Variants in ATP10B observed in about 807,000 individuals in gnomAD.
ATP10B encodes ATPase phospholipid transporting 10B (putative).
A neutral mutation model predicts 141.2 loss-of-function variants in ATP10B; 122 were observed. That is an observed-to-expected ratio of 0.86 (90% CI 0.75 to 1.00). The LOEUF is 1.00. ATP10B is among the 50% of genes least tolerant of loss of function. The pLI is 0.00. For synonymous variants in ATP10B, 685 were observed against 692.0 expected (o/e 0.99, Z 0.16); for missense variants, 1,876 against 1,825.3 (o/e 1.03, Z -0.51).
chr5:160,755,838 A>T (rs7724364), intron 2 of ATP10B, among the ~76,000 whole-genome samples: 1,557 of 44,834 alleles, frequency 0.035, 51 homozygotes, highest in Admixed American at 0.056. Context: ...AAAAAAAAAA[A>T]ATATATATAT....
At chr5:160,638,476 A>AG (rs1209203719) in intron 10 of ATP10B, among the ~76,000 whole-genome samples, 1 of 152,054 alleles carries the variant, frequency 6.6e-6, no homozygotes, top group African/African-American at 2.4e-5. Flanking sequence ...GGCTGGGGAG[A>AG]GGGTGGGAGC....
chr5:160,899,920 G>A, the ATP10B span, among the ~76,000 whole-genome samples: 14 of 152,272 alleles, frequency 9.2e-5, no homozygotes, highest in African/African-American at 3.1e-4. Context: ...CCACCCTCAA[G>A]AGGGCTCCCT....
At chr5:160,607,249 A>G (rs1757447416) in intron 18 of ATP10B, among the ~76,000 whole-genome samples, 163 bp from the exon 19 acceptor site, 1 of 152,222 alleles carries the variant, frequency 6.6e-6, no homozygotes, top group Non-Finnish European at 1.5e-5. Flanking sequence ...ATTTGACATA[A>G]TATCAAAGGA....
chr5:160,566,031 G>A (rs1235246447), intron 25 of ATP10B, 131 bp from the exon 26 acceptor site: 1 of 824,076 alleles, frequency 1.2e-6, no homozygotes, highest in South Asian at 1.8e-5. Flanking sequence ...TTAAATCCAT[G>A]TCTGGGCACC....
intron 24 of ATP10B, among the ~76,000 whole-genome samples, chr5:160,570,549 T>C (rs1317986979): frequency 6.6e-6 from 1 of 152,202 alleles, no homozygotes; most frequent in East Asian, 1.9e-4. Flanking sequence ...CCTCCTGAAT[T>C]ACACACGAGA....
intron 1 of ATP10B, among the ~76,000 whole-genome samples, chr5:160,799,120 A>AT (rs58788178): frequency 1.9e-4 from 28 of 151,018 alleles, no homozygotes; most frequent in Non-Finnish European, 2.4e-4. Context: ...TCAAAAGCTG[A>AT]TTTTTTTTTT....
intron 2 of ATP10B, among the ~76,000 whole-genome samples, chr5:160,727,852 G>C (rs1392076909): frequency 1.3e-5 from 2 of 152,126 alleles, no homozygotes; most frequent in African/African-American, 2.4e-5. Flanking sequence ...AAGGCCTCAG[G>C]CATCTCCAAG....
chr5:160,650,424 T>C (rs1041422307), intron 7 of ATP10B, among the ~76,000 whole-genome samples: 3 of 152,166 alleles, frequency 2.0e-5, no homozygotes, highest in African/African-American at 7.2e-5. Flanking sequence ...TGCCTAGGCT[T>C]TTCCTGGGAC....
At chr5:160,748,308 C>T (rs180959257) in intron 2 of ATP10B, among the ~76,000 whole-genome samples, 4 of 152,286 alleles carry the variant, frequency 2.6e-5, no homozygotes, top group Admixed American at 1.3e-4. Context: ...CTTAGACAGG[C>T]GGTATGCTCC....
chr5:160,591,977 C>CCAGGTGCAAGACACT (rs1473629298), intron 22 of ATP10B, among the ~76,000 whole-genome samples: 1 of 152,140 alleles, frequency 6.6e-6, no homozygotes, highest in Non-Finnish European at 1.5e-5. Context: ...CTTCTTTCCT[C>CCAGGTGCAAGACACT]CAGGTGCAAG....
upstream of ATP10B, among the ~76,000 whole-genome samples, chr5:160,853,712 G>A (rs992845294): frequency 6.6e-6 from 1 of 152,116 alleles, no homozygotes; most frequent in Non-Finnish European, 1.5e-5. Flanking sequence ...CAGACATATG[G>A]CAAATTATTT....
At chr5:160,917,266 CTTCT>C in the ATP10B span, among the ~76,000 whole-genome samples, 3 of 93,576 alleles carry the variant, frequency 3.2e-5, no homozygotes, top group African/African-American at 1.1e-4. Flanking sequence ...TTCTAGGGTA[CTTCT>C]TTTTTTTTTT....
At chr5:160,799,865 T>C (rs1772252711) in intron 1 of ATP10B, among the ~76,000 whole-genome samples, 1 of 152,222 alleles carries the variant, frequency 6.6e-6, no homozygotes, top group African/African-American at 2.4e-5. Context: ...GATTCACTCA[T>C]AGTTCTCATC....
intron 2 of ATP10B, among the ~76,000 whole-genome samples, chr5:160,767,390 A>G (rs1769528737): frequency 6.6e-6 from 1 of 152,150 alleles, no homozygotes; most frequent in African/African-American, 2.4e-5. Flanking sequence ...CATAAAAAGA[A>G]AGGAGAGATA....
At chr5:160,821,832 C>G (rs1407294925) in intron 1 of ATP10B, among the ~76,000 whole-genome samples, 1 of 152,032 alleles carries the variant, frequency 6.6e-6, no homozygotes. Context: ...ACTAGACCCC[C>G]TATTTCTTGC....
chr5:160,756,487 G>A (rs181931430), intron 2 of ATP10B, among the ~76,000 whole-genome samples: 2 of 152,318 alleles, frequency 1.3e-5, no homozygotes, highest in Non-Finnish European at 2.9e-5. Flanking sequence ...TGCATTCCCA[G>A]CAGCAGTGTA....
intron 2 of ATP10B, among the ~76,000 whole-genome samples, chr5:160,769,654 G>C (rs1769735360): frequency 6.6e-6 from 1 of 152,198 alleles, no homozygotes; most frequent in South Asian, 2.1e-4. Flanking sequence ...AGTTGTAGCA[G>C]CAAATGTCTG....
chr5:160,671,969 C>CTTTTTTTTTTTTT (rs70990741), intron 6 of ATP10B, among the ~76,000 whole-genome samples: 2 of 68,388 alleles, frequency 2.9e-5, no homozygotes, highest in African/African-American at 6.8e-5. Flanking sequence ...GCAATGCATC[C>CTTTTTTTTTTTTT]TTTTTTTTTT....
At chr5:160,576,469 T>C (rs1755193810) in intron 24 of ATP10B, among the ~76,000 whole-genome samples, 1 of 152,158 alleles carries the variant, frequency 6.6e-6, no homozygotes, top group South Asian at 2.1e-4. Flanking sequence ...AGCTCACATT[T>C]GGTAATCAGG....
Sources: allele counts gnomAD v4.1 joint callset (sites outside exome capture counted in the v4.1 genomes callset), GRCh38; gene constraint gnomAD v4.1.1; transcripts MANE v1.5; gene names NCBI Gene and HGNC (gene_info 2026-07-23, HGNC 2026-07-21).